The following DCAF8 variants were observed in gnomAD, a reference collection of about 807,000 sequenced individuals.
The protein encoded by DCAF8 is DDB1- and CUL4-associated factor 8.
A neutral mutation model predicts 68.0 loss-of-function variants in DCAF8; 20 were observed. That is an observed-to-expected ratio of 0.29 (90% confidence interval 0.21 to 0.43). The LOEUF (loss-of-function observed/expected upper bound fraction) is 0.43, where lower values mean the gene tolerates loss of function less well. DCAF8 is among the 20% of genes least tolerant of loss of function. The pLI is 1.00. For missense variants in DCAF8, 460 were observed against 771.0 expected, an observed-to-expected ratio of 0.60 and a Z score of 4.78; for synonymous variants, 230 against 276.9, an observed-to-expected ratio of 0.83 and a Z score of 1.68.
At chr1:160,242,411 T>G (rs898100642) in intron 3 of DCAF8, among the ~76,000 whole-genome samples, 1 of 152,138 alleles carries the variant, frequency 6.6e-6, no homozygotes, top group Admixed American at 6.6e-5. Context: ...GAAATGCAGC[T>G]GGGCTTGAGC....
At chr1:160,223,477 C>T (rs1655364842) in intron 10 of DCAF8, among the ~76,000 whole-genome samples, 2 of 152,084 alleles carry the variant, frequency 1.3e-5, no homozygotes, top group Admixed American at 1.3e-4. Context: ...GGAGTGGTAA[C>T]AATAGAGAAA....
chr1:160,224,904 C>A (rs765197073), intron 9 of DCAF8, among the ~76,000 whole-genome samples, 158 bp downstream of exon 9: 4 of 152,236 alleles, frequency 2.6e-5, no homozygotes, highest in East Asian at 1.9e-4. Flanking sequence ...TCTACTGTAT[C>A]CTCCCGCTAT....
chr1:160,222,798 G>A lies in DCAF8; in HGVS notation c.1310-17C>T. On this transcript the variant is annotated splice_polypyrimidine_tract_variant and intron_variant, in intron 10 of 13. Transcript: ENST00000368074. ...CGCCTTTTACTGAAATGATAAATGAGGGAAGAAACCACATGAGGGTTGGCA... is the reference window on the plus strand; with the variant it reads ...CGCCTTTTACTGAAATGATAAATGAAGGAAGAAACCACATGAGGGTTGGCA... 6.2e-7 allele frequency: 1 copy of A among 1,614,026 alleles called. No homozygotes were observed. The highest frequency in any genetic ancestry group is 1.1e-5 in the South Asian group (1 of 91,072).
chr1:160,247,734 T>G (rs1656399995), intron 2 of DCAF8, among the ~76,000 whole-genome samples: 1 of 152,210 alleles, frequency 6.6e-6, no homozygotes, highest in African/African-American at 2.4e-5. Context: ...GCATTTTAGA[T>G]TTCAGATTTT....
At chr1:160,262,159 C>T (rs1571122342) in intron 1 of DCAF8, 5 of 395,268 alleles carry the variant, frequency 1.3e-5, no homozygotes, top group Non-Finnish European at 2.2e-5. Flanking sequence ...GACTTCGGGT[C>T]GGCGGAAGGA....
At chr1:160,225,153 A>ACCC in intron 8 of DCAF8, 34 bp from the exon 9 acceptor site, 1 of 1,574,122 alleles carries the variant, frequency 6.4e-7, no homozygotes, top group Non-Finnish European at 8.7e-7. Context: ...CTGATGCCCC[A>ACCC]CCCCCCCATT....
chr1:160,226,136 TCTC>T (rs993722839), intron 7 of DCAF8, among the ~76,000 whole-genome samples: 3 of 152,156 alleles, frequency 2.0e-5, no homozygotes, highest in Non-Finnish European at 4.4e-5. Flanking sequence ...GGTTTATCTC[TCTC>T]CTCAAGTTTT....
chr1:160,219,073 G>A (rs554086447), intron 11 of DCAF8, 105 bp from the exon 12 acceptor site: 1 of 1,502,018 alleles, frequency 6.7e-7, no homozygotes, highest in Admixed American at 2.1e-5. Flanking sequence ...CAGGGCTGAG[G>A]CAGCTGCTGG....
intron 2 of DCAF8, 139 bp from the exon 3 acceptor site, chr1:160,244,173 TCTC>T: frequency 1.6e-6 from 1 of 629,364 alleles, no homozygotes; most frequent in African/African-American, 1.8e-5. Context: ...TAACAGGTCT[TCTC>T]AGCTTGTGAA....
chr1:160,241,069 A>G (rs1656097233), intron 3 of DCAF8, among the ~76,000 whole-genome samples: 1 of 152,160 alleles, frequency 6.6e-6, no homozygotes, highest in Admixed American at 6.5e-5. Flanking sequence ...GTAGAATGGC[A>G]TGAACCCAGG....
chr1:160,241,828 T>C (rs1465683742), intron 3 of DCAF8, among the ~76,000 whole-genome samples: 2 of 152,214 alleles, frequency 1.3e-5, no homozygotes, highest in Non-Finnish European at 2.9e-5. Flanking sequence ...TCATGTGGAT[T>C]AGAGCAGTAA....
chr1:160,221,967 C>A (rs1243395781), intron 11 of DCAF8, among the ~76,000 whole-genome samples: 1 of 152,082 alleles, frequency 6.6e-6, no homozygotes, highest in Non-Finnish European at 1.5e-5. Context: ...GACTATGATA[C>A]GATCATGGGT....
chr1:160,230,757 T>G (rs980530147), intron 7 of DCAF8, among the ~76,000 whole-genome samples: 1 of 151,606 alleles, frequency 6.6e-6, no homozygotes, highest in Admixed American at 6.6e-5. Flanking sequence ...TAACTTCTTT[T>G]CTTTTCTTTT....
At chr1:160,238,234 G>A (rs1655961144) in intron 5 of DCAF8, among the ~76,000 whole-genome samples, 1 of 152,168 alleles carries the variant, frequency 6.6e-6, no homozygotes, top group Non-Finnish European at 1.5e-5. Flanking sequence ...AGTTTGAGCA[G>A]GTAAGCTGAA....
intron 2 of DCAF8, among the ~76,000 whole-genome samples, chr1:160,257,245 T>C (rs1351446009): frequency 6.6e-6 from 1 of 151,822 alleles, no homozygotes; most frequent in Non-Finnish European, 1.5e-5. Flanking sequence ...CAGCAGATTA[T>C]CTTAGCTCAC....
rs779242109 is a variant in DCAF8, at chr1:160,239,596, T to C, written c.723+101A>G. ...GTAGGGCCATGTCCCGATATGTAAT[T>C]CCTACAATAACTCACTATCAGCTCC... On this transcript the variant is annotated intron_variant, in intron 4 of 13. Transcript: ENST00000368074. The C allele has an allele frequency of 2.5e-5, 40 of 1,611,026 alleles. No homozygotes were observed. In the South Asian group the frequency reaches 2.9e-4, roughly 12 times the overall value.
rs764945366 is a variant in DCAF8, at chr1:160,238,536, T to C, written c.864+71A>G. 9 of 1,478,448 alleles carry C rather than the reference T, an allele frequency of 6.1e-6. No homozygotes were observed. The South Asian group carries it at 1.2e-4, about 20-fold the overall frequency. The allele number at this position is 1,478,448 out of a possible 1,614,324, so 91.6% of individuals were successfully genotyped here. The stretch of plus-strand genomic sequence containing the variant: ...ACAAATGTGACACAATGGGCAGAGA[T>C]AAGGGAGAACCTTGGCTGAGAACCA... On this transcript the variant is annotated intron_variant, in intron 5 of 13. Transcript: ENST00000368074.
At chr1:160,224,910 G>A (rs1282589395) in intron 9 of DCAF8, 152 bp downstream of exon 9, 6 of 729,898 alleles carry the variant, frequency 8.2e-6, no homozygotes, top group Non-Finnish European at 1.2e-5. Context: ...GTATCCTCCC[G>A]CTATGTGCTC....
rs1657124011 is a variant in DCAF8 at position 160,262,177 on chromosome 1, T to A, written c.-101+272A>T. The A allele has an allele frequency of 1.5e-5, 6 of 395,812 alleles. No individual in the cohort carries two copies. In the Admixed American group the frequency reaches 2.7e-4, roughly 18 times the overall value. The allele number at this position is 395,812 out of a possible 1,614,324, so 24.5% of individuals were successfully genotyped here. On this transcript the variant is annotated intron_variant, in intron 1 of 13. Transcript: ENST00000368074. ...TTCGGGTCGGCGGAAGGAAAAGACCTGAGCGCTAAGAGCTTGGGATACGGG... is the reference window on the plus strand; with the variant it reads ...TTCGGGTCGGCGGAAGGAAAAGACCAGAGCGCTAAGAGCTTGGGATACGGG...
Sources: gnomAD v4.1 joint callset for allele counts (sites outside exome capture counted in the v4.1 genomes callset) on GRCh38, gnomAD v4.1.1 for gene constraint, MANE v1.5 for transcripts, NCBI Gene and HGNC (gene_info 2026-07-23, HGNC 2026-07-21) for gene names.